The following DCAF10 variants were observed in gnomAD, a reference collection of about 807,000 sequenced individuals.
DCAF10 encodes DDB1 and CUL4 associated factor 10.
DCAF10 carries 19 observed loss-of-function variants against 51.9 expected under a neutral mutation model. The ratio of observed to expected loss-of-function variants is 0.37; its 90% CI spans 0.26 to 0.54. The LOEUF (loss-of-function observed/expected upper bound fraction) is 0.54, where lower values mean the gene tolerates loss of function less well. Ranked by LOEUF, DCAF10 falls within the 20% of genes least tolerant of loss-of-function variation. The probability of loss-of-function intolerance (pLI) is 0.87; values close to 1 mark genes in which losing one functional copy is unlikely to be tolerated. For missense variants in DCAF10, 510 were observed against 730.6 expected, an observed-to-expected ratio of 0.70 and a Z score of 3.48; for synonymous variants, 291 against 297.1, an observed-to-expected ratio of 0.98 and a Z score of 0.21.
chr9:37,847,310 AAG>A (rs1491448414), intron 3 of DCAF10, among the ~76,000 whole-genome samples: 2 of 151,542 alleles, frequency 1.3e-5, no homozygotes, highest in Non-Finnish European at 2.9e-5. Flanking sequence ...TAAAAAAAAA[AAG>A]GATGGAAAAA....
rs1395822517 is a variant in DCAF10, at chr9:37,865,510, T to C, written c.*4002T>C. 6.6e-6 allele frequency: 1 copy of C among 152,248 alleles called. No homozygotes were observed. Among genetic ancestry groups the C allele is most frequent in the Non-Finnish European group, 1.5e-5 (1 of 68,042 alleles). 9.4% of individuals were successfully genotyped at this position (152,248 alleles called of 1,614,324 possible). On this transcript the variant is annotated 3_prime_UTR_variant, in exon 7 of 7. Coordinates refer to ENST00000377724, the MANE Select transcript of DCAF10 (RefSeq NM_024345.5). Reference sequence around the variant, plus strand: ...TACTCTGAATTTTATTCAGTAATTTTTATTCATAATTCATGATAATTGGTA... The same window carrying C: ...TACTCTGAATTTTATTCAGTAATTTCTATTCATAATTCATGATAATTGGTA...
intron 1 of DCAF10, among the ~76,000 whole-genome samples, chr9:37,805,214 G>A (rs1829075607): frequency 6.6e-6 from 1 of 152,206 alleles, no homozygotes; most frequent in South Asian, 2.1e-4. Flanking sequence ...GGGTGTGGTG[G>A]TTTATGCCTG....
At chr9:37,807,545 A>G (rs1254850968) in intron 1 of DCAF10, among the ~76,000 whole-genome samples, 2 of 152,042 alleles carry the variant, frequency 1.3e-5, no homozygotes, top group Admixed American at 6.6e-5. Flanking sequence ...TTGAGCTACA[A>G]TGGTTATCAC....
chr9:37,860,442 C>T (rs1210571175), intron 6 of DCAF10: 4 of 372,216 alleles, frequency 1.1e-5, no homozygotes, highest in Non-Finnish European at 1.9e-5. Flanking sequence ...AGGCCAGCAT[C>T]AGCTCAGTTT....
rs1022658292 is a variant in DCAF10 at position 37,801,036 on chromosome 9, C to T, written c.170C>T (p.Pro57Leu). The part of the protein sequence containing the change: ...PPPPARSPRR[P>L]GAPSLSPAPR... ...CCACCCGCCCGAAGCCCTCGCCGCCCCGGCGCCCCATCGCTGTCCCCGGCC... is the reference window on the plus strand; with the variant it reads ...CCACCCGCCCGAAGCCCTCGCCGCCTCGGCGCCCCATCGCTGTCCCCGGCC... The change falls in exon 1 of 7, where the codon CCC becomes CTC. Residue 57 changes from proline to leucine, a missense_variant. Pro to Leu is a moderately conservative substitution (Grantham distance 98). Coordinates refer to ENST00000377724, the MANE Select transcript of DCAF10 (RefSeq NM_024345.5). The surrounding 1 kb of genome is among the most constrained non-coding windows in gnomAD (Gnocchi z 5.5). 1.9e-6 allele frequency: 3 copies of T among 1,539,546 alleles called. No individual in the cohort carries two copies. The African/African-American group carries it at 4.3e-5, about 22-fold the overall frequency.
At chr9:37,827,370 C>T (rs1251924838) in intron 2 of DCAF10, among the ~76,000 whole-genome samples, 3 of 151,736 alleles carry the variant, frequency 2.0e-5, no homozygotes, top group Non-Finnish European at 4.4e-5. Flanking sequence ...AACAAGCAAG[C>T]AAACAAGCAG....
In DCAF10 at chr9:37,829,740, C is replaced by T. The variant is rs539454780; in HGVS notation, c.653+10339C>T. Among the ~76,000 whole-genome samples the T allele has an allele frequency of 5.6e-4, 85 of 152,166 alleles. No individual in the cohort carries two copies. The highest frequency in any genetic ancestry group is 2.0e-3 in the African/African-American group (81 of 41,504). On this transcript the variant is annotated intron_variant, in intron 2 of 6. Transcript: ENST00000377724. This position sits in a 1 kb window ranked among gnomAD's most constrained non-coding sequence, Gnocchi z 4.2. ...AATTGATGCAGGCTGGGCATGGTGG[C>T]TCATACCTGTAATCCCAGCATTTTG... is the stretch of plus-strand genomic sequence containing the variant.
At chr9:37,828,732 G>A (rs962936769) in intron 2 of DCAF10, among the ~76,000 whole-genome samples, 1 of 152,136 alleles carries the variant, frequency 6.6e-6, no homozygotes, top group South Asian at 2.1e-4. Flanking sequence ...TGTTGTATAT[G>A]ATAGCAGGGG....
rs62539387 is a variant in DCAF10 at position 37,801,717 on chromosome 9, G to C, written c.539+312G>C. On this transcript the variant is annotated intron_variant, in intron 1 of 6. Coordinates refer to ENST00000377724, the MANE Select transcript of DCAF10 (RefSeq NM_024345.5). The surrounding 1 kb of genome is among the most constrained non-coding windows in gnomAD (Gnocchi z 5.5). Reference sequence around the variant, plus strand: ...CACAACTAGGGCTTTCTGGTACACAGTAGGTGCTCAGTAAATACATTTTGA... The same window carrying C: ...CACAACTAGGGCTTTCTGGTACACACTAGGTGCTCAGTAAATACATTTTGA... Among the ~76,000 whole-genome samples, 2,246 of 152,336 alleles carry C rather than the reference G, an allele frequency of 0.015. 36 individuals carry two copies. The highest frequency in any genetic ancestry group is 0.02 in the Non-Finnish European group (1,368 of 68,032).
chr9:37,838,750 G>T (rs1351997990), intron 2 of DCAF10, among the ~76,000 whole-genome samples: 1 of 151,934 alleles, frequency 6.6e-6, no homozygotes, highest in Non-Finnish European at 1.5e-5. Context: ...AATTAGCTGG[G>T]CATCGCAGCG....
intron 3 of DCAF10, among the ~76,000 whole-genome samples, chr9:37,846,221 C>T (rs185795755): frequency 1.4e-4 from 22 of 152,172 alleles, no homozygotes; most frequent in Admixed American, 5.2e-4. Context: ...AATATAATTA[C>T]CCACATTAAC....
chr9:37,801,866 G>T lies in DCAF10; in HGVS notation c.539+461G>T, dbSNP rs1038706424. ...GAACTTGCCATGATGGGGCAAGTGC[G>T]TTCCTTTGCTCAAGGAAGATACAGT... On this transcript the variant is annotated intron_variant, in intron 1 of 6. Coordinates refer to ENST00000377724, the MANE Select transcript of DCAF10 (RefSeq NM_024345.5). The surrounding 1 kb of genome is among the most constrained non-coding windows in gnomAD (Gnocchi z 5.5). 1.1e-4 allele frequency among the ~76,000 whole-genome samples: 16 copies of T among 152,290 alleles called. No individual in the cohort carries two copies. The highest frequency in any genetic ancestry group is 2.1e-4 in the Non-Finnish European group (14 of 68,032).
In DCAF10 at chr9:37,864,265, A is replaced by G. The variant is rs10123989; in HGVS notation, c.*2757A>G. The G allele has an allele frequency of 0.19, 29,125 of 151,498 alleles. 3,190 individuals are homozygous for G. Among genetic ancestry groups the G allele is most frequent in the African/African-American group, 0.29 (12,132 of 41,210 alleles). The allele number at this position is 151,498 out of a possible 1,614,324, so 9.4% of individuals were successfully genotyped here. ...TGCACTATTGCACTCCACCCTGGGC[A>G]ATAGAGCCAGATCCTGTCTCAAAAA... is the stretch of plus-strand genomic sequence containing the variant. On this transcript the variant is annotated 3_prime_UTR_variant, in exon 7 of 7. Coordinates refer to ENST00000377724, the MANE Select transcript of DCAF10 (RefSeq NM_024345.5).
chr9:37,839,267 G>A (rs935123618), intron 2 of DCAF10, among the ~76,000 whole-genome samples: 8 of 151,832 alleles, frequency 5.3e-5, no homozygotes, highest in Non-Finnish European at 1.0e-4. Context: ...TCACCATCTC[G>A]GCCAGGCTGG....
chr9:37,802,939 C>T (rs1331860951), intron 1 of DCAF10, among the ~76,000 whole-genome samples: 1 of 152,086 alleles, frequency 6.6e-6, no homozygotes. Context: ...AACCTCCTAC[C>T]GATACTTTCA....
At chr9:37,822,412 TATATATATATATATATATATA>T (rs1249953143) in intron 2 of DCAF10, among the ~76,000 whole-genome samples, 5 of 38,816 alleles carry the variant, frequency 1.3e-4, no homozygotes, top group Non-Finnish European at 4.9e-5. Context: ...GTGATATATA[TATATATATATATATATATATA>T]TATATATATG....
chr9:37,806,530 G>A (rs1829119370), intron 1 of DCAF10, among the ~76,000 whole-genome samples: 2 of 152,148 alleles, frequency 1.3e-5, no homozygotes. Context: ...GCCCCTTTGG[G>A]AACTACAGCC....
intron 3 of DCAF10, among the ~76,000 whole-genome samples, chr9:37,849,959 C>G (rs757121682): frequency 1.3e-5 from 2 of 152,028 alleles, no homozygotes; most frequent in Non-Finnish European, 2.9e-5. Context: ...CTCAAGAGGG[C>G]GAGACAGGAG....
At position 37,800,822 on chromosome 9, in the gene DCAF10, G is replaced by A. The variant is rs1395494361; in HGVS notation, c.-45G>A. 6.7e-6 allele frequency: 10 copies of A among 1,491,150 alleles called. No individual in the cohort carries two copies. Among genetic ancestry groups the A allele is most frequent in the African/African-American group, 2.8e-5 (2 of 71,786 alleles). 92.4% of individuals were successfully genotyped at this position (1,491,150 alleles called of 1,614,324 possible). On this transcript the variant is annotated 5_prime_UTR_variant, in exon 1 of 7. Coordinates refer to ENST00000377724, the MANE Select transcript of DCAF10 (RefSeq NM_024345.5). ...AGCTGAACAGGGGCACTGAGGTGTCGGCCGGCGGGGCAGTGGCCCGGAGCG... is the reference window on the plus strand; with the variant it reads ...AGCTGAACAGGGGCACTGAGGTGTCAGCCGGCGGGGCAGTGGCCCGGAGCG...
Sources: allele counts gnomAD v4.1 joint callset (sites outside exome capture counted in the v4.1 genomes callset), GRCh38; gene constraint gnomAD v4.1.1; non-coding constraint Gnocchi (gnomAD v3.1); transcripts MANE v1.5; gene names NCBI Gene and HGNC (gene_info 2026-07-23, HGNC 2026-07-21).